Variants in USP38 observed in about 807,000 individuals in gnomAD.
The protein encoded by USP38 is ubiquitin specific peptidase 38, also known as ubiquitin carboxyl-terminal hydrolase 38.
A neutral mutation model predicts 94.3 loss-of-function variants in USP38; 49 were observed. That is an observed-to-expected ratio of 0.52 (90% CI 0.41 to 0.66). USP38 has a LOEUF of 0.66. Ranked by LOEUF, USP38 falls within the 30% of genes least tolerant of loss-of-function variation. The probability of loss-of-function intolerance (pLI) is 0.00; values close to 1 mark genes in which losing one functional copy is unlikely to be tolerated. For missense variants in USP38, 1,128 were observed against 1,229.4 expected (o/e 0.92, Z 1.23); for synonymous variants, 468 against 463.6 (o/e 1.01, Z -0.12).
At chr4:143,209,962 G>C (rs1315177867) in intron 7 of USP38, among the ~76,000 whole-genome samples, 1 of 152,016 alleles carries the variant, frequency 6.6e-6, no homozygotes, top group Non-Finnish European at 1.5e-5. Flanking sequence ...CAATAAATAA[G>C]TTCCTTCATG....
rs1169583756 is a variant in USP38, at chr4:143,223,499, T to C, written c.*3043T>C. 6.6e-6 allele frequency: 1 copy of C among 152,130 alleles called. No homozygotes were observed. The highest frequency in any genetic ancestry group is 1.5e-5 in the Non-Finnish European group (1 of 67,984). The allele number at this position is 152,130 out of a possible 1,614,324, so 9.4% of individuals were successfully genotyped here. On this transcript the variant is annotated 3_prime_UTR_variant, in exon 10 of 10. Transcript: ENST00000307017. Reference sequence around the variant, plus strand: ...ATAATTTTTTTCTCTTCAGTTCTGTTCTTTGTATGATAATCCTTAAAAAAG... The same window carrying C: ...ATAATTTTTTTCTCTTCAGTTCTGTCCTTTGTATGATAATCCTTAAAAAAG...
In USP38 at chr4:143,221,562, G is replaced by T. The variant is rs1284455666; in HGVS notation, c.*1106G>T. On this transcript the variant is annotated 3_prime_UTR_variant, in exon 10 of 10. Coordinates refer to ENST00000307017, the MANE Select transcript of USP38 (RefSeq NM_032557.6). ...GTTTGGCACTGTTGTTTCTATTTTC[G>T]TAGTTTTAGATAAAATGTTAAAATG... 6.6e-6 allele frequency: 1 copy of T among 152,106 alleles called. No homozygotes were observed. Among genetic ancestry groups the T allele is most frequent in the Non-Finnish European group, 1.5e-5 (1 of 67,898 alleles). The allele number at this position is 152,106 out of a possible 1,614,324, so 9.4% of individuals were successfully genotyped here. A position where few individuals can be genotyped will look rare whatever the true frequency, so the allele number is the denominator to read the frequency against.
chr4:143,192,550 C>CTTTTTTTTTTT (rs35416730), intron 2 of USP38, among the ~76,000 whole-genome samples: 4 of 103,410 alleles, frequency 3.9e-5, no homozygotes, highest in Admixed American at 1.2e-4. Context: ...TCCCATATTA[C>CTTTTTTTTTTT]TTTTTTTTTT....
chr4:143,200,714 G>A (rs78062901), intron 4 of USP38, among the ~76,000 whole-genome samples: 4,683 of 152,212 alleles, frequency 0.031, 216 homozygotes, highest in African/African-American at 0.11. Context: ...AAAATCACTA[G>A]CATTCCTATA....
In USP38 at chr4:143,209,603, C is replaced by T. The variant is rs563720599; in HGVS notation, c.1443C>T (p.Cys481=). ...TATTATCTTTAAATCTAAATGGGTG[C>T]AATTCATTAATGAAAAAATTACAGC... ...RQVLSLNLNG[C]NSLMKKLQHL... Residue 481 remains cysteine, a synonymous_variant, in exon 7 of 10, where the codon TGC becomes TGT. Transcript: ENST00000307017. 3.1e-6 allele frequency: 5 copies of T among 1,608,084 alleles called. No homozygotes were observed. The East Asian group carries it at 8.9e-5, about 29-fold the overall frequency.
chr4:143,221,816 A>G lies in USP38; in HGVS notation c.*1360A>G, dbSNP rs1428426368. ...TGATTTGGGGTTTATCTTTTTCCCAAGCTTTTATGACAGTGGTTAAAAAAC... is the reference window on the plus strand; with the variant it reads ...TGATTTGGGGTTTATCTTTTTCCCAGGCTTTTATGACAGTGGTTAAAAAAC... On this transcript the variant is annotated 3_prime_UTR_variant, in exon 10 of 10. Transcript: ENST00000307017. 18 of 152,112 alleles carry G rather than the reference A, an allele frequency of 1.2e-4. No homozygotes were observed. Among genetic ancestry groups the G allele is most frequent in the Admixed American group, 1.2e-3 (18 of 15,256 alleles). 9.4% of individuals were successfully genotyped at this position (152,112 alleles called of 1,614,324 possible).
At position 143,197,809 on chromosome 4, in the gene USP38, G is replaced by A; in HGVS notation, c.949-14G>A. 6.3e-7 allele frequency: 1 copy of A among 1,589,590 alleles called. No individual in the cohort carries two copies. Among genetic ancestry groups the A allele is most frequent in the Non-Finnish European group, 8.6e-7 (1 of 1,160,316 alleles). ...CTGCAAATTCTTAAGAAGGTGTCTT[G>A]TCTTATTTTGAAGGTTTTTAATCGA... On this transcript the variant is annotated splice_polypyrimidine_tract_variant and intron_variant, in intron 3 of 9. Coordinates refer to ENST00000307017, the MANE Select transcript of USP38 (RefSeq NM_032557.6).
chr4:143,188,120 TGAC>T lies in USP38; in HGVS notation c.818+160_818+162del, dbSNP rs144344576. Among the ~76,000 whole-genome samples the T allele has an allele frequency of 2.2e-3, 334 of 152,298 alleles. 1 individual carries two copies. Among genetic ancestry groups the T allele is most frequent in the African/African-American group, 7.9e-3 (329 of 41,578 alleles). On this transcript the variant is annotated intron_variant, in intron 2 of 9. Coordinates refer to ENST00000307017, the MANE Select transcript of USP38 (RefSeq NM_032557.6). ...AATAGATTGGAATTGTTTATAGCGT[TGAC>T]AGGCATCCCAATAATTCACAAATCT...
intron 4 of USP38, 103 bp downstream of exon 4, chr4:143,198,027 C>G (rs1035784612): frequency 4.2e-6 from 3 of 714,752 alleles, no homozygotes; most frequent in Non-Finnish European, 6.8e-6. Flanking sequence ...GCAAGTTAGT[C>G]CCAAATCTGT....
intron 6 of USP38, among the ~76,000 whole-genome samples, chr4:143,207,462 C>T (rs1731901675): frequency 6.6e-6 from 1 of 152,104 alleles, no homozygotes; most frequent in Non-Finnish European, 1.5e-5. Context: ...CACTTGAACC[C>T]AGGAGGCGGA....
chr4:143,197,891 T>A lies in USP38; in HGVS notation c.1017T>A (p.Leu339=), dbSNP rs756429025. Reference sequence around the variant, plus strand: ...TTGCAGTTCTTTCTCACATGCTGCTTAGCTTTCAGCATTCTCCAGAGGCGT... The same window carrying A: ...TTGCAGTTCTTTCTCACATGCTGCTAAGCTTTCAGCATTCTCCAGAGGCGT... ...GALAVLSHML[L]SFQHSPEAFH... Residue 339 remains leucine (L), a synonymous_variant, in exon 4 of 10, where the codon CTT becomes CTA. Transcript: ENST00000307017. 6.2e-7 allele frequency: 1 copy of A among 1,613,894 alleles called. No individual in the cohort carries two copies. The highest frequency in any genetic ancestry group is 1.1e-5 in the South Asian group (1 of 91,036).
chr4:143,186,106 A>T lies in USP38; in HGVS notation c.656A>T (p.Glu219Val). The change falls in exon 1 of 10, where the codon GAA (glutamate) becomes GTA (valine). Residue 219 changes from glutamate to valine, a missense_variant. Physicochemically the swap from Glu to Val is moderately radical, Grantham distance 121. Transcript: ENST00000307017. ...GCCACACTACTGCCTTCCCTGCAAGAAGTTTTTGCAAGCATCTCTTCCACA... is the reference window on the plus strand; with the variant it reads ...GCCACACTACTGCCTTCCCTGCAAGTAGTTTTTGCAAGCATCTCTTCCACA... ...EPATLLPSLQ[E>V]VFASISSTDA... 6 of 1,614,096 alleles carry T rather than the reference A, an allele frequency of 3.7e-6. No homozygotes were observed. The highest frequency in any genetic ancestry group is 5.1e-6 in the Non-Finnish European group (6 of 1,179,974).
Position 143,214,390 on chromosome 4 carries a change from A to G in USP38, c.2414A>G (p.Glu805Gly). 6.2e-7 allele frequency: 1 copy of G among 1,613,794 alleles called. No homozygotes were observed. Among genetic ancestry groups the G allele is most frequent in the Non-Finnish European group, 8.5e-7 (1 of 1,179,842 alleles). ...KRITSFSSLS[E>G]SWSVDVDFTD... ...ATTACTTCTTTCTCTTCATTGTCAG[A>G]AAGTTGGTCTGTAGATGTTGACTTC... The change falls in exon 9 of 10, where the codon GAA (glutamate) becomes GGA (glycine). Residue 805 changes from glutamate (E) to glycine (G), a missense_variant. Physicochemically the swap from Glu to Gly is moderately conservative, Grantham distance 98. Coordinates refer to ENST00000307017, the MANE Select transcript of USP38 (RefSeq NM_032557.6).
rs190705060 is a variant in USP38 at position 143,189,344 on chromosome 4, C to T, written c.818+1383C>T. Among the ~76,000 whole-genome samples, 26 of 151,882 alleles carry T rather than the reference C, an allele frequency of 1.7e-4. No homozygotes were observed. In the East Asian group the frequency reaches 4.8e-3, roughly 28 times the overall value. On this transcript the variant is annotated intron_variant, in intron 2 of 9. Coordinates refer to ENST00000307017, the MANE Select transcript of USP38 (RefSeq NM_032557.6). The stretch of plus-strand genomic sequence containing the variant: ...TCTGTCTGTTCTTATTTAATACCTG[C>T]CTGTTTTTGTTTTTTAATTCTTTTC...
chr4:143,190,667 T>C (rs1731371140), intron 2 of USP38, among the ~76,000 whole-genome samples: 1 of 152,166 alleles, frequency 6.6e-6, no homozygotes. Context: ...ATAAGTCCTT[T>C]GGATTATTTC....
chr4:143,187,146 C>A (rs1210436484), intron 1 of USP38, among the ~76,000 whole-genome samples: 2 of 151,690 alleles, frequency 1.3e-5, no homozygotes, highest in Non-Finnish European at 2.9e-5. Flanking sequence ...CTGTTAGGTT[C>A]CTCCCAAATT....
At chr4:143,192,557 T>G (rs1731427154) in intron 2 of USP38, among the ~76,000 whole-genome samples, 1 of 149,148 alleles carries the variant, frequency 6.7e-6, no homozygotes, top group Non-Finnish European at 1.5e-5. Flanking sequence ...TTACTTTTTT[T>G]TTTTTTTTTT....
rs565175447 is a variant in USP38 at position 143,198,473 on chromosome 4, G to A, written c.1050+549G>A. ...GGTCAGCTGTCCATTTACCACTCTA[G>A]GGCATCATAGGAAAACAGTGCCTTT... On this transcript the variant is annotated intron_variant, in intron 4 of 9. Transcript: ENST00000307017. 4.1e-4 allele frequency among the ~76,000 whole-genome samples: 62 copies of A among 152,210 alleles called. 1 individual carries two copies. The South Asian group carries it at 0.013, about 32-fold the overall frequency.
intron 4 of USP38, among the ~76,000 whole-genome samples, chr4:143,202,143 A>T (rs1731732080): frequency 6.6e-6 from 1 of 152,214 alleles, no homozygotes; most frequent in South Asian, 2.1e-4. Context: ...TTTATGCGAC[A>T]GAAGTATAAT....
Sources: gnomAD v4.1 joint callset for allele counts (sites outside exome capture counted in the v4.1 genomes callset) on GRCh38, gnomAD v4.1.1 for gene constraint, MANE v1.5 for transcripts, NCBI Gene and HGNC (gene_info 2026-07-23, HGNC 2026-07-21) for gene names.